The following MYOM1 variants were observed in gnomAD, a reference collection of about 807,000 sequenced individuals.
MYOM1 encodes the protein myomesin 1.
A neutral mutation model predicts 205.3 loss-of-function variants in MYOM1; 164 were observed. The ratio of observed to expected loss-of-function variants is 0.80; its 90% CI spans 0.70 to 0.91. The LOEUF is 0.91. Ranked by LOEUF, MYOM1 falls within the 40% of genes least tolerant of loss-of-function variation. MYOM1 has a pLI of 0.00. For missense variants in MYOM1, 2,011 were observed against 2,127.3 expected (o/e 0.95, Z 1.08); for synonymous variants, 772 against 789.4 (o/e 0.98, Z 0.37).
At chr18:3,190,321 G>T (rs913452360) in intron 3 of MYOM1, 4 of 152,212 alleles carry the variant, frequency 2.6e-5, no homozygotes, top group Non-Finnish European at 5.9e-5. Flanking sequence ...TCTTAAGACA[G>T]AATCGTGCAT....
chr18:3,112,514 G>T, intron 21 of MYOM1, 102 bp from the exon 22 acceptor site: 1 of 775,926 alleles, frequency 1.3e-6, no homozygotes, highest in Non-Finnish European at 2.0e-6. Flanking sequence ...ATGATTTAGT[G>T]ACCTAGCACC....
chr18:3,222,684 GCTCT>G (rs763107913), upstream of MYOM1, among the ~76,000 whole-genome samples: 4 of 152,048 alleles, frequency 2.6e-5, no homozygotes, highest in African/African-American at 4.8e-5. Flanking sequence ...GGCACATGGT[GCTCT>G]CTATCAACAT....
intron 33 of MYOM1, among the ~76,000 whole-genome samples, chr18:3,079,883 G>C (rs1043826499): frequency 6.6e-6 from 1 of 152,122 alleles, no homozygotes; most frequent in Non-Finnish European, 1.5e-5. Flanking sequence ...GAAAAGCAGA[G>C]TTGCCGCCAA....
At chr18:3,137,078 G>C (rs1032072177) in intron 14 of MYOM1, among the ~76,000 whole-genome samples, 1 of 151,822 alleles carries the variant, frequency 6.6e-6, no homozygotes, top group Non-Finnish European at 1.5e-5. Context: ...AGCCTCCCGA[G>C]TAGCTGGGAC....
chr18:3,139,532 G>A (rs534150855), intron 14 of MYOM1, among the ~76,000 whole-genome samples: 23 of 152,336 alleles, frequency 1.5e-4, no homozygotes, highest in African/African-American at 2.9e-4. Flanking sequence ...TGGAACAGAC[G>A]CAGCAGGGAC....
chr18:3,223,939 G>C (rs192694384), upstream of MYOM1, among the ~76,000 whole-genome samples: 1 of 152,268 alleles, frequency 6.6e-6, no homozygotes, highest in East Asian at 1.9e-4. Flanking sequence ...TGGCTGGAGA[G>C]TGGGGCCTAG....
At chr18:3,187,851 CTTTT>C (rs1424935021) in intron 4 of MYOM1, among the ~76,000 whole-genome samples, 4 of 139,614 alleles carry the variant, frequency 2.9e-5, no homozygotes, top group African/African-American at 5.6e-5. Flanking sequence ...TCTTTGATTT[CTTTT>C]TCTTTTTTTT....
rs1372481772 is a variant in MYOM1, at chr18:3,069,620, ATATGCT to A, written c.4765-2071_4765-2066del. On this transcript the variant is annotated intron_variant, in intron 37 of 37. Coordinates refer to ENST00000356443, the MANE Select transcript of MYOM1 (RefSeq NM_003803.4). ...CTTAAACTTAATGAGCAGATTAGGT[ATATGCT>A]TTTGGAAACTGTGATTACTTGTAGT... is the stretch of plus-strand genomic sequence containing the variant. 3.0e-3 allele frequency among the ~76,000 whole-genome samples: 464 copies of A among 152,332 alleles called. 7 individuals are homozygous for A. The highest frequency in any genetic ancestry group is 0.011 in the African/African-American group (448 of 41,562).
intron 11 of MYOM1, 52 bp from the exon 12 acceptor site, chr18:3,151,945 G>A: frequency 6.4e-7 from 1 of 1,554,756 alleles, no homozygotes; most frequent in Non-Finnish European, 8.8e-7. Flanking sequence ...ATGGCTTAAT[G>A]AATATCTCCA....
At chr18:3,083,429 T>TTTC (rs2079111081) in intron 33 of MYOM1, among the ~76,000 whole-genome samples, 1 of 115,822 alleles carries the variant, frequency 8.6e-6, no homozygotes, top group African/African-American at 3.3e-5. Context: ...TTCTTTTTCT[T>TTTC]TTTTTTTTTT....
At chr18:3,218,647 G>T (rs1008678537) in intron 1 of MYOM1, among the ~76,000 whole-genome samples, 1 of 152,060 alleles carries the variant, frequency 6.6e-6, no homozygotes, top group East Asian at 1.9e-4. Flanking sequence ...ACAGAATTAC[G>T]TTAGGCAGTT....
In MYOM1 at chr18:3,135,580, C is replaced by T. The variant is rs1598709726; in HGVS notation, c.2176G>A (p.Ala726Thr). The T allele has an allele frequency of 6.2e-7, 1 of 1,613,744 alleles. No homozygotes were observed. Among genetic ancestry groups the T allele is most frequent in the African/African-American group, 1.3e-5 (1 of 74,962 alleles). The stretch of plus-strand genomic sequence containing the variant: ...TCCCCTACCACAGTCACCTCCGTTG[C>T]CTCTGAGGGCTCACCAACTCCTGCA... Reference protein sequence around the residue: ...NSAGVGEPSEATEVTVVGDKL... With the variant: ...NSAGVGEPSETTEVTVVGDKL... Residue 726 changes from alanine (A) to threonine (T), a missense_variant, in exon 15 of 38, where the codon GCA (alanine) becomes ACA (threonine). Ala to Thr is a moderately conservative substitution (Grantham distance 58, BLOSUM62 0). Coordinates refer to ENST00000356443, the MANE Select transcript of MYOM1 (RefSeq NM_003803.4). The surrounding 1 kb of genome is among the most constrained non-coding windows in gnomAD (Gnocchi z 4.1).
chr18:3,225,266 C>T, the MYOM1 span, among the ~76,000 whole-genome samples: 49 of 152,176 alleles, frequency 3.2e-4, no homozygotes, highest in Non-Finnish European at 3.2e-4. Context: ...GGATTACAGG[C>T]GTGAGCCACC....
rs376019498 is a variant in MYOM1 at position 3,162,797 on chromosome 18, C to T, written c.1501+1481G>A. Among the ~76,000 whole-genome samples, 646 of 152,136 alleles carry T rather than the reference C, an allele frequency of 4.2e-3. 5 individuals are homozygous for T. The highest frequency in any genetic ancestry group is 0.023 in the South Asian group (113 of 4,824). ...TCCCAGCACTTTGGGAGACCGAGAC[C>T]GGTGGATCACGAGGTCAGGAGATCG... On this transcript the variant is annotated intron_variant, in intron 10 of 37. Transcript: ENST00000356443.
intron 37 of MYOM1, among the ~76,000 whole-genome samples, chr18:3,068,463 C>A (rs2143607096): frequency 1.3e-5 from 2 of 152,046 alleles, no homozygotes; most frequent in Middle Eastern, 3.4e-3. Flanking sequence ...TCATTCTATT[C>A]AATTTACAGA....
Position 3,126,705 on chromosome 18 carries a change from T to C in MYOM1, c.2987A>G (p.Tyr996Cys). Residue 996 changes from tyrosine to cysteine, a missense_variant, in exon 19 of 38, where the codon TAC becomes TGC. Physicochemically the swap from Tyr to Cys is radical, Grantham distance 194. Coordinates refer to ENST00000356443, the MANE Select transcript of MYOM1 (RefSeq NM_003803.4). ...TACAGAAAGTCACGTGCTTACCTTG[T>C]ATGCCTCCTCACTGACAGCCTTGAC... ...ANVKAVSEEA[Y>C]KISNLKENMV... 6.2e-7 allele frequency: 1 copy of C among 1,612,338 alleles called. No individual in the cohort carries two copies. The highest frequency in any genetic ancestry group is 8.5e-7 in the Non-Finnish European group (1 of 1,178,912).
Position 3,160,121 on chromosome 18 carries a change from C to T in MYOM1, c.1501+4157G>A, listed in dbSNP as rs201572353. 3.0e-3 allele frequency among the ~76,000 whole-genome samples: 414 copies of T among 138,938 alleles called. 3 individuals carry two copies. Among genetic ancestry groups the T allele is most frequent in the African/African-American group, 0.01 (366 of 36,516 alleles). The allele number at this position is 138,938 out of a possible 152,430, so 91.1% of individuals were successfully genotyped here. On this transcript the variant is annotated intron_variant, in intron 10 of 37. Coordinates refer to ENST00000356443, the MANE Select transcript of MYOM1 (RefSeq NM_003803.4). ...CCTCCTCCTTCTTCTTCTTCTCTTC[C>T]TCCTCCTCCTCCTCCTTCCTTTCCC...
At chr18:3,082,869 C>A (rs1447299124) in intron 33 of MYOM1, among the ~76,000 whole-genome samples, 1 of 152,166 alleles carries the variant, frequency 6.6e-6, no homozygotes, top group African/African-American at 2.4e-5. Flanking sequence ...ATCTCCAAAG[C>A]CTTCTGAGAG....
rs1167568776 is a variant in MYOM1, at chr18:3,151,502, T to TAAAAC, written c.1843+187_1843+191dup. Among the ~76,000 whole-genome samples, 7 of 142,622 alleles carry TAAAAC rather than the reference T, an allele frequency of 4.9e-5. No individual in the cohort carries two copies. The Admixed American group carries it at 4.9e-4, about 10-fold the overall frequency. 93.6% of individuals were successfully genotyped at this position (142,622 alleles called of 152,430 possible). On this transcript the variant is annotated intron_variant, in intron 12 of 37. Coordinates refer to ENST00000356443, the MANE Select transcript of MYOM1 (RefSeq NM_003803.4). ...TAAAATAAAATAAAATAAAATAAAA[T>TAAAAC]AAAACCCTTAAGAGAATGGCTAAGG...
Sources: allele counts gnomAD v4.1 joint callset (sites outside exome capture counted in the v4.1 genomes callset), GRCh38; gene constraint gnomAD v4.1.1; non-coding constraint Gnocchi (gnomAD v3.1); transcripts MANE v1.5; gene names NCBI Gene and HGNC (gene_info 2026-07-23, HGNC 2026-07-21).